The following CLNK variants were observed in gnomAD, a reference collection of about 807,000 sequenced individuals.
CLNK encodes cytokine dependent hematopoietic cell linker.
A neutral mutation model predicts 68.6 loss-of-function variants in CLNK; 74 were observed. The observed-to-expected ratio is 1.08, with a 90% CI of 0.89 to 1.31. The LOEUF is 1.31. Among genes scored for constraint, CLNK ranks in the 50% most tolerant of loss-of-function variants. The pLI, the probability that CLNK is intolerant of heterozygous loss-of-function variation, is 0.00. For missense variants in CLNK, 553 were observed against 515.3 expected (o/e 1.07, Z -0.71); for synonymous variants, 198 against 172.2 (o/e 1.15, Z -1.17).
At chr4:10,656,059 T>C (rs1299244901) in intron 2 of CLNK, among the ~76,000 whole-genome samples, 1 of 152,072 alleles carries the variant, frequency 6.6e-6, no homozygotes, top group Admixed American at 6.6e-5. Flanking sequence ...AATTAATCAA[T>C]TGCAGGCTAT....
At chr4:10,641,080 G>T (rs1243039959) in intron 2 of CLNK, among the ~76,000 whole-genome samples, 3 of 152,198 alleles carry the variant, frequency 2.0e-5, no homozygotes, top group Non-Finnish European at 4.4e-5. Flanking sequence ...GTGTGTTTTA[G>T]CTGTGGGAGA....
the CLNK span, among the ~76,000 whole-genome samples, chr4:10,734,028 G>T: frequency 6.6e-6 from 1 of 152,120 alleles, no homozygotes; most frequent in Non-Finnish European, 1.5e-5. Flanking sequence ...CCTTTGGAGT[G>T]GAATAGGAGA....
intron 17 of CLNK, among the ~76,000 whole-genome samples, chr4:10,501,755 C>T (rs1282822033): frequency 2.0e-5 from 3 of 152,006 alleles, no homozygotes; most frequent in African/African-American, 4.8e-5. Context: ...AGAAAAACCC[C>T]GTCTCTACTA....
chr4:10,489,313 C>G lies in CLNK; in HGVS notation c.*1154G>C, dbSNP rs1716466368. 2 of 152,282 alleles carry G rather than the reference C, an allele frequency of 1.3e-5. No homozygotes were observed. Among genetic ancestry groups the G allele is most frequent in the African/African-American group, 4.8e-5 (2 of 41,554 alleles). The allele number at this position is 152,282 out of a possible 1,614,324, so 9.4% of individuals were successfully genotyped here. ...TATCATGGCCTGTGCAACGTTACTG[C>G]AAGAATTAGCACTAATTTGAGGACA... is the stretch of plus-strand genomic sequence containing the variant. On this transcript the variant is annotated 3_prime_UTR_variant, in exon 19 of 19. Coordinates refer to ENST00000226951, the MANE Select transcript of CLNK (RefSeq NM_052964.4).
intron 3 of CLNK, among the ~76,000 whole-genome samples, chr4:10,586,121 G>A (rs1412755339): frequency 1.3e-5 from 2 of 151,100 alleles, no homozygotes; most frequent in South Asian, 2.1e-4. Flanking sequence ...AAGCTTAGGC[G>A]ATAATGCTTG....
chr4:10,500,423 G>A (rs1380303861), intron 18 of CLNK, among the ~76,000 whole-genome samples: 1 of 152,220 alleles, frequency 6.6e-6, no homozygotes, highest in African/African-American at 2.4e-5. Flanking sequence ...GCTCACGCCT[G>A]TAATCCCAGC....
chr4:10,672,790 G>A (rs61796845), intron 1 of CLNK, among the ~76,000 whole-genome samples: 20,061 of 152,210 alleles, frequency 0.13, 1,528 homozygotes, highest in South Asian at 0.18. Flanking sequence ...GAGTGGACTT[G>A]AGTGTCAGTC....
At chr4:10,575,753 C>G (rs896509431) in intron 4 of CLNK, among the ~76,000 whole-genome samples, 3 of 152,226 alleles carry the variant, frequency 2.0e-5, no homozygotes, top group Admixed American at 2.0e-4. Context: ...ATGATGGAAG[C>G]TGTTGGGTAA....
At chr4:10,696,303 A>G in the CLNK span, among the ~76,000 whole-genome samples, 2 of 152,112 alleles carry the variant, frequency 1.3e-5, no homozygotes, top group African/African-American at 4.8e-5. Flanking sequence ...CTGGCTACAG[A>G]CACACTCAAC....
intron 14 of CLNK, among the ~76,000 whole-genome samples, chr4:10,523,741 G>T (rs1372477703): frequency 6.6e-6 from 1 of 152,074 alleles, no homozygotes; most frequent in Admixed American, 6.5e-5. Context: ...ATTAAGAAAG[G>T]GGGCCAGGCA....
the CLNK span, among the ~76,000 whole-genome samples, chr4:10,704,849 A>G: frequency 4.6e-5 from 7 of 152,196 alleles, no homozygotes; most frequent in African/African-American, 1.7e-4. Flanking sequence ...CTGGCACCCA[A>G]TAGGTTTGCA....
At chr4:10,537,701 TCC>T (rs1718843671) in intron 11 of CLNK, among the ~76,000 whole-genome samples, 2 of 79,294 alleles carry the variant, frequency 2.5e-5, no homozygotes, top group Non-Finnish European at 5.1e-5. Context: ...CTTCCTTCCT[TCC>T]TTCCTTTCTT....
intron 2 of CLNK, among the ~76,000 whole-genome samples, chr4:10,666,901 C>A (rs1330399261): frequency 6.6e-6 from 1 of 152,170 alleles, no homozygotes; most frequent in Non-Finnish European, 1.5e-5. Context: ...CCGGGGCTGT[C>A]ACAGCACCTG....
chr4:10,609,206 C>T (rs1267789299), intron 2 of CLNK, among the ~76,000 whole-genome samples: 1 of 152,220 alleles, frequency 6.6e-6, no homozygotes, highest in African/African-American at 2.4e-5. Context: ...ATACTCCTAC[C>T]TTTATTTACT....
chr4:10,512,382 C>T (rs1717627010), intron 16 of CLNK, among the ~76,000 whole-genome samples: 1 of 152,188 alleles, frequency 6.6e-6, no homozygotes, highest in South Asian at 2.1e-4. Flanking sequence ...AGGCATGTGC[C>T]ACCACGCCTG....
chr4:10,600,117 C>T (rs933413658), intron 2 of CLNK, among the ~76,000 whole-genome samples: 1 of 152,304 alleles, frequency 6.6e-6, no homozygotes, highest in African/African-American at 2.4e-5. Flanking sequence ...TCTGCCAAGT[C>T]ATCCCACACT....
intron 3 of CLNK, among the ~76,000 whole-genome samples, chr4:10,592,040 G>C (rs535373735): frequency 1.3e-5 from 2 of 152,338 alleles, no homozygotes; most frequent in East Asian, 3.9e-4. Flanking sequence ...CACCTCCTCA[G>C]ACCCTGCCCT....
intron 18 of CLNK, among the ~76,000 whole-genome samples, chr4:10,493,613 A>G (rs1173641755): frequency 1.3e-5 from 2 of 152,084 alleles, no homozygotes; most frequent in African/African-American, 4.8e-5. Context: ...CAACACATAC[A>G]TTTTGGAGGA....
chr4:10,571,524 CG>C (rs1720351261), intron 5 of CLNK, among the ~76,000 whole-genome samples: 1 of 151,712 alleles, frequency 6.6e-6, no homozygotes, highest in African/African-American at 2.4e-5. Flanking sequence ...TTAGTAGAAA[CG>C]GGGTTTCCTC....
Sources: allele counts gnomAD v4.1 joint callset (sites outside exome capture counted in the v4.1 genomes callset), GRCh38; gene constraint gnomAD v4.1.1; transcripts MANE v1.5; gene names NCBI Gene and HGNC (gene_info 2026-07-23, HGNC 2026-07-21).